The following ECHDC1 variants were observed in gnomAD, a reference collection of about 807,000 sequenced individuals.
ECHDC1 encodes ethylmalonyl-CoA decarboxylase.
Under a neutral mutation model 29.7 loss-of-function variants are expected in ECHDC1, and 29 were observed. That is an observed-to-expected ratio of 0.98 (90% confidence interval 0.73 to 1.33). The LOEUF (loss-of-function observed/expected upper bound fraction) is 1.33, where lower values mean the gene tolerates loss of function less well. Among genes scored for constraint, ECHDC1 ranks in the 40% most tolerant of loss-of-function variants. ECHDC1 has a pLI of 0.00. For synonymous variants in ECHDC1, 126 were observed against 123.1 expected, an observed-to-expected ratio of 1.02 and a Z score of -0.15; for missense variants, 328 against 350.0, an observed-to-expected ratio of 0.94 and a Z score of 0.50.
intron 5 of ECHDC1, among the ~76,000 whole-genome samples, chr6:127,301,876 C>A (rs1400127034): frequency 6.6e-6 from 1 of 151,874 alleles, no homozygotes; most frequent in Non-Finnish European, 1.5e-5. Context: ...AACAAAAAAC[C>A]AAGACACAAG....
chr6:127,290,299 C>T, intron 5 of ECHDC1, 22 bp from the exon 6 acceptor site: 3 of 1,596,860 alleles, frequency 1.9e-6, no homozygotes, highest in Non-Finnish European at 2.6e-6. Flanking sequence ...AAAAGAAAAG[C>T]TTAATTGTAA....
At chr6:127,334,624 A>G (rs1184771544) in intron 1 of ECHDC1, among the ~76,000 whole-genome samples, 1 of 152,076 alleles carries the variant, frequency 6.6e-6, no homozygotes, top group Non-Finnish European at 1.5e-5. Context: ...TTCTCGTCTG[A>G]TATCTCTACA....
At chr6:127,316,698 T>C (rs187703636) in intron 3 of ECHDC1, among the ~76,000 whole-genome samples, 196 bp from the exon 4 acceptor site, 138 of 152,162 alleles carry the variant, frequency 9.1e-4, no homozygotes, top group African/African-American at 3.2e-3. Flanking sequence ...TAGGGCTCCT[T>C]GAGCTCAGCT....
At chr6:127,311,860 G>A (rs1158166310) in intron 5 of ECHDC1, among the ~76,000 whole-genome samples, 2 of 151,032 alleles carry the variant, frequency 1.3e-5, no homozygotes, top group African/African-American at 2.4e-5. Flanking sequence ...TACAAGTATT[G>A]TATCAATGTT....
intron 5 of ECHDC1, among the ~76,000 whole-genome samples, chr6:127,307,669 A>C (rs1273206522): frequency 1.3e-5 from 2 of 149,358 alleles, no homozygotes; most frequent in African/African-American, 2.4e-5. Flanking sequence ...AAAAGACAGA[A>C]AGAAAATAAT....
chr6:127,331,696 T>A, intron 1 of ECHDC1: 2 of 513,682 alleles, frequency 3.9e-6, no homozygotes, highest in African/African-American at 4.2e-5. Flanking sequence ...TTCTTCATTC[T>A]CCAACTCTTA....
At position 127,330,835 on chromosome 6, in the gene ECHDC1, T is replaced by C. The variant is rs1182428719; in HGVS notation, c.194A>G (p.Asn65Ser). Residue 65 changes from asparagine to serine, a missense_variant, in exon 2 of 6, where the codon AAT (asparagine) becomes AGT (serine). Physicochemically the swap from Asn to Ser is conservative, Grantham distance 46 (BLOSUM62 1). Transcript: ENST00000454859. ...TGAAAAGGCATTCATTCTACTTGGA[T>C]TGTTCAGAGTAAGAATGCCAATGCC... is the stretch of plus-strand genomic sequence containing the variant. The part of the protein sequence containing the change: ...DNGIGILTLN[N>S]PSRMNAFSGV... 13 of 1,613,782 alleles carry C rather than the reference T, an allele frequency of 8.1e-6. No homozygotes were observed. The highest frequency in any genetic ancestry group is 3.3e-5 in the Admixed American group (2 of 59,988).
chr6:127,309,785 A>T (rs1781750343), intron 5 of ECHDC1, among the ~76,000 whole-genome samples: 1 of 152,212 alleles, frequency 6.6e-6, no homozygotes, highest in Non-Finnish European at 1.5e-5. Flanking sequence ...AGAAATTTAC[A>T]ATCATGGCAG....
chr6:127,330,206 CAT>C (rs2114679623), intron 2 of ECHDC1, among the ~76,000 whole-genome samples: 2 of 152,302 alleles, frequency 1.3e-5, no homozygotes, highest in South Asian at 4.1e-4. Context: ...CAAAGTACCA[CAT>C]GTCCTGCATC....
chr6:127,303,649 G>A (rs977971011), intron 5 of ECHDC1, among the ~76,000 whole-genome samples: 18 of 152,322 alleles, frequency 1.2e-4, no homozygotes, highest in African/African-American at 4.3e-4. Context: ...GAAGCAGTAA[G>A]GGGTAACACA....
rs187857808 is a variant in ECHDC1 at position 127,320,813 on chromosome 6, T to C, written c.364-4311A>G. Among the ~76,000 whole-genome samples, 70 of 152,202 alleles carry C rather than the reference T, an allele frequency of 4.6e-4. No homozygotes were observed. The East Asian group carries it at 0.011, about 25-fold the overall frequency. ...TCTGAACCAAGAATTAACTGCCTAA[T>C]AGGGACAGTTGGAGCTCTTTTCCTG... On this transcript the variant is annotated intron_variant, in intron 3 of 5. Transcript: ENST00000454859.
intron 5 of ECHDC1, among the ~76,000 whole-genome samples, chr6:127,300,312 C>T (rs532422379): frequency 6.6e-6 from 1 of 152,272 alleles, no homozygotes; most frequent in East Asian, 1.9e-4. Flanking sequence ...CAAGCCCATA[C>T]GTGGTAGGTA....
Position 127,343,600 on chromosome 6 carries a change from CT to C in ECHDC1, c.-268del, listed in dbSNP as rs1785155062. 1 of 152,192 alleles carries C rather than the reference CT, an allele frequency of 6.6e-6. No homozygotes were observed. Among genetic ancestry groups the C allele is most frequent in the Non-Finnish European group, 1.5e-5 (1 of 68,078 alleles). The allele number at this position is 152,192 out of a possible 1,614,324, so 9.4% of individuals were successfully genotyped here. ...CGAGGCGCCCTCCGCTTCGCGCTCCCTCGTGTCACGAGGGAGCCAGGGTGGG... is the reference window on the plus strand; with the variant it reads ...CGAGGCGCCCTCCGCTTCGCGCTCCCCGTGTCACGAGGGAGCCAGGGTGGG... On this transcript the variant is annotated 5_prime_UTR_variant, in exon 1 of 6. Coordinates refer to ENST00000454859, the MANE Select transcript of ECHDC1 (RefSeq NM_001002030.2).
intron 5 of ECHDC1, among the ~76,000 whole-genome samples, chr6:127,295,998 TACTC>T (rs1490615804): frequency 1.3e-5 from 2 of 152,292 alleles, no homozygotes; most frequent in African/African-American, 4.8e-5. Flanking sequence ...TAAGATCCAT[TACTC>T]ACAGCATACA....
At chr6:127,333,548 G>A (rs1021492506) in intron 1 of ECHDC1, among the ~76,000 whole-genome samples, 6 of 151,654 alleles carry the variant, frequency 4.0e-5, no homozygotes, top group Admixed American at 2.6e-4. Context: ...GGTGTGCTGC[G>A]GCCCAGTCTA....
At chr6:127,316,617 T>A in intron 3 of ECHDC1, 115 bp from the exon 4 acceptor site, 1 of 780,390 alleles carries the variant, frequency 1.3e-6, no homozygotes, top group Non-Finnish European at 2.0e-6. Context: ...TTTTAAACAA[T>A]GACATTTCCA....
chr6:127,311,669 C>CAAAAAAAAAAAAAAA lies in ECHDC1; in HGVS notation c.497+3132_497+3146dup, dbSNP rs71272311. Among the ~76,000 whole-genome samples the CAAAAAAAAAAAAAAA allele has an allele frequency of 1.8e-3, 45 of 25,050 alleles. 3 individuals carry two copies. The highest frequency in any genetic ancestry group is 3.5e-3 in the Non-Finnish European group (28 of 7,992). 16.4% of individuals were successfully genotyped at this position (25,050 alleles called of 152,430 possible). On this transcript the variant is annotated intron_variant, in intron 5 of 5. Coordinates refer to ENST00000454859, the MANE Select transcript of ECHDC1 (RefSeq NM_001002030.2). ...AGCCTGGGTGACAGAGGCTCTGTCT[C>CAAAAAAAAAAAAAAA]AAAAAAAAAAAAAAAAAAAAAAAAA...
At chr6:127,328,006 T>C (rs1783521289) in intron 2 of ECHDC1, among the ~76,000 whole-genome samples, 1 of 152,232 alleles carries the variant, frequency 6.6e-6, no homozygotes, top group Admixed American at 6.5e-5. Flanking sequence ...TAACAGCGGG[T>C]TAAAACTGGC....
intron 1 of ECHDC1, among the ~76,000 whole-genome samples, chr6:127,341,255 C>T (rs1365983471): frequency 6.6e-6 from 1 of 152,112 alleles, no homozygotes; most frequent in Admixed American, 6.5e-5. Context: ...ATTCACTGAC[C>T]CCAAGTTTAG....
Sources: gnomAD v4.1 joint callset for allele counts (sites outside exome capture counted in the v4.1 genomes callset) on GRCh38, gnomAD v4.1.1 for gene constraint, MANE v1.5 for transcripts, NCBI Gene and HGNC (gene_info 2026-07-23, HGNC 2026-07-21) for gene names.